The following C17orf99 variants were observed in gnomAD, a reference collection of about 807,000 sequenced individuals.
The protein encoded by C17orf99 is protein IL-40.
C17orf99 carries 18 observed loss-of-function variants against 22.6 expected under a neutral mutation model. The ratio of observed to expected loss-of-function variants is 0.80; its 90% CI spans 0.55 to 1.18. The LOEUF is 1.18. Among genes scored for constraint, C17orf99 ranks in the 50% most tolerant of loss-of-function variants. C17orf99 has a pLI of 0.00. For missense variants in C17orf99, 328 were observed against 342.7 expected (o/e 0.96, Z 0.34); for synonymous variants, 147 against 136.6 (o/e 1.08, Z -0.53).
Position 78,148,557 on chromosome 17 carries a change from G to A in C17orf99, c.70+1646G>A, listed in dbSNP as rs12945564. Among the ~76,000 whole-genome samples, 602 of 152,124 alleles carry A rather than the reference G, an allele frequency of 4.0e-3. 5 individuals are homozygous for A. The highest frequency in any genetic ancestry group is 6.8e-3 in the Non-Finnish European group (463 of 67,990). On this transcript the variant is annotated intron_variant, in intron 2 of 4. Transcript: ENST00000340363. ...GGTATGTTAGTTAGAATGTTCTAGA[G>A]AAAAGCAAGCAGGGTAGAAGGAAAG...
At chr17:78,153,686 C>G (rs942734452) in intron 2 of C17orf99, among the ~76,000 whole-genome samples, 3 of 152,072 alleles carry the variant, frequency 2.0e-5, no homozygotes, top group Non-Finnish European at 2.9e-5. Flanking sequence ...CGCGTGTCAG[C>G]CCTGGACGCC....
rs1404648781 is a variant in C17orf99 at position 78,157,326 on chromosome 17, A to AACAGCG, written c.71-3629_71-3628insACAGCG. 2.1e-4 allele frequency: 126 copies of AACAGCG among 593,926 alleles called. 1 individual carries two copies. In the African/African-American group the frequency reaches 2.5e-3, roughly 12 times the overall value. 36.8% of individuals were successfully genotyped at this position (593,926 alleles called of 1,614,324 possible). A position where few individuals can be genotyped will look rare whatever the true frequency, so the allele number is the denominator to read the frequency against. ...TGCCTGCGTACTAAGACCTGTGTTC[A>AACAGCG]GCAGCGGCGGCGGCGGCGGCGGTGG... On this transcript the variant is annotated intron_variant, in intron 2 of 4. Coordinates refer to ENST00000340363, the MANE Select transcript of C17orf99 (RefSeq NM_001163075.2).
chr17:78,161,271 G>A lies in C17orf99; in HGVS notation c.370+17G>A, dbSNP rs1201524359. On this transcript the variant is annotated intron_variant, in intron 3 of 4. Coordinates refer to ENST00000340363, the MANE Select transcript of C17orf99 (RefSeq NM_001163075.2). The stretch of plus-strand genomic sequence containing the variant: ...TGTGGTCCAGTGAGTGCGGTGGGGG[G>A]CACAGGGCTGAGGAGGCAGGTGGGG... 3.2e-6 allele frequency: 5 copies of A among 1,547,410 alleles called. No homozygotes were observed. Among genetic ancestry groups the A allele is most frequent in the Admixed American group, 3.9e-5 (2 of 50,942 alleles).
intron 2 of C17orf99, chr17:78,158,951 C>A: frequency 6.1e-6 from 1 of 163,768 alleles, no homozygotes. Context: ...AGCCCCGTCC[C>A]CTGCCTGTGT....
At chr17:78,163,965 G>A in intron 3 of C17orf99, 130 bp from the exon 4 acceptor site, 1 of 776,452 alleles carries the variant, frequency 1.3e-6, no homozygotes, top group Non-Finnish European at 2.2e-6. Context: ...GCAAACTCTA[G>A]AAGGCGGCCT....
intron 2 of C17orf99, among the ~76,000 whole-genome samples, chr17:78,148,825 C>T (rs998351107): frequency 1.3e-5 from 2 of 152,126 alleles, no homozygotes; most frequent in Non-Finnish European, 2.9e-5. Context: ...GAGGGGAAAA[C>T]GCAATCTGAT....
Position 78,165,982 on chromosome 17 carries a change from A to G in C17orf99, c.734A>G (p.Glu245Gly), listed in dbSNP as rs1201158874. The change falls in exon 5 of 5, where the codon GAG becomes GGG. Residue 245 changes from glutamate to glycine, a missense_variant. Glu to Gly is a moderately conservative substitution (Grantham distance 98). Transcript: ENST00000340363. Reference sequence around the variant, plus strand: ...AGGAGCACCCGCCGTCTGAGTGAAGAGGAGTTTGGGGGGTTCAGGATAGGG... The same window carrying G: ...AGGAGCACCCGCCGTCTGAGTGAAGGGGAGTTTGGGGGGTTCAGGATAGGG... ...LYRSTRRLSE[E>G]EFGGFRIGNG... 6.7e-7 allele frequency: 1 copy of G among 1,502,222 alleles called. No individual in the cohort carries two copies. Among genetic ancestry groups the G allele is most frequent in the Admixed American group, 2.1e-5 (1 of 48,518 alleles). The allele number at this position is 1,502,222 out of a possible 1,614,324, so 93.1% of individuals were successfully genotyped here. A position where few individuals can be genotyped will look rare whatever the true frequency, so the allele number is the denominator to read the frequency against.
chr17:78,159,345 T>G (rs62079084), intron 2 of C17orf99, among the ~76,000 whole-genome samples: 5,109 of 151,702 alleles, frequency 0.034, 135 homozygotes, highest in Non-Finnish European at 0.052. Context: ...TTTAAATAAA[T>G]AAATAAAAGT....
intron 3 of C17orf99, among the ~76,000 whole-genome samples, chr17:78,163,758 C>T (rs761058229): frequency 6.6e-5 from 10 of 151,974 alleles, no homozygotes; most frequent in Non-Finnish European, 1.2e-4. Flanking sequence ...CCTAGCTACT[C>T]GGGAGGCTGA....
At chr17:78,162,425 G>A (rs892027519) in intron 3 of C17orf99, among the ~76,000 whole-genome samples, 8 of 150,918 alleles carry the variant, frequency 5.3e-5, no homozygotes, top group African/African-American at 1.7e-4. Context: ...TGGGAGCTAT[G>A]GGGTATGGGA....
chr17:78,147,995 G>A (rs976751978), intron 2 of C17orf99, among the ~76,000 whole-genome samples: 1 of 152,094 alleles, frequency 6.6e-6, no homozygotes, highest in Admixed American at 6.5e-5. Context: ...CACCTGTTTG[G>A]TTGCAGGCAC....
At chr17:78,161,896 C>T (rs1267075059) in intron 3 of C17orf99, among the ~76,000 whole-genome samples, 3 of 151,868 alleles carry the variant, frequency 2.0e-5, no homozygotes, top group Non-Finnish European at 4.4e-5. Flanking sequence ...TGCATTACTT[C>T]GCTTGATCTT....
upstream of C17orf99, chr17:78,146,226 C>T (rs898003853): frequency 1.1e-5 from 6 of 561,242 alleles, no homozygotes; most frequent in South Asian, 4.4e-5. The surrounding 1 kb of genome is among the most constrained non-coding windows in gnomAD (Gnocchi z 5.2). Context: ...TTTGCTGTAC[C>T]GGGCCTGCCG....
At chr17:78,146,136 C>T (rs560244730), upstream of C17orf99, among the ~76,000 whole-genome samples, 5 of 152,298 alleles carry the variant, frequency 3.3e-5, no homozygotes, top group African/African-American at 1.2e-4. This position sits in a 1 kb window ranked among gnomAD's most constrained non-coding sequence, Gnocchi z 5.2. Context: ...TCCTGCGGCT[C>T]AGAGGTGACT....
At chr17:78,164,006 T>C in intron 3 of C17orf99, 89 bp from the exon 4 acceptor site, 1 of 1,165,442 alleles carries the variant, frequency 8.6e-7, no homozygotes, top group Non-Finnish European at 1.3e-6. Context: ...CTAAGCTCAT[T>C]AGGCATTTTG....
intron 2 of C17orf99, among the ~76,000 whole-genome samples, chr17:78,148,953 G>A (rs1294083136): frequency 6.6e-6 from 1 of 152,144 alleles, no homozygotes; most frequent in Non-Finnish European, 1.5e-5. Context: ...GGAGAGGCAG[G>A]GAGATGGGGT....
At chr17:78,162,974 G>C (rs1308633199) in intron 3 of C17orf99, among the ~76,000 whole-genome samples, 1 of 152,068 alleles carries the variant, frequency 6.6e-6, no homozygotes, top group Non-Finnish European at 1.5e-5. Flanking sequence ...TAGTAGACAC[G>C]GGGTTTCACC....
intron 4 of C17orf99, chr17:78,164,621 G>C: frequency 6.6e-7 from 1 of 1,504,874 alleles, no homozygotes; most frequent in Non-Finnish European, 8.9e-7. Flanking sequence ...CCTCCACTGC[G>C]GCCATCACCT....
chr17:78,150,636 A>T (rs1469197782), intron 2 of C17orf99, among the ~76,000 whole-genome samples: 1 of 152,168 alleles, frequency 6.6e-6, no homozygotes, highest in Non-Finnish European at 1.5e-5. Context: ...AATGTCAAGA[A>T]GGTGTTGTCC....
Sources: gnomAD v4.1 joint callset for allele counts (sites outside exome capture counted in the v4.1 genomes callset) on GRCh38, gnomAD v4.1.1 for gene constraint, Gnocchi (gnomAD v3.1) non-coding constraint, MANE v1.5 for transcripts, NCBI Gene and HGNC (gene_info 2026-07-23, HGNC 2026-07-21) for gene names.